ADARB2: variants seen among roughly 807,000 people sequenced by gnomAD.
The protein encoded by ADARB2 is adenosine deaminase RNA specific B2 (inactive).
Under a neutral mutation model 62.2 loss-of-function variants are expected in ADARB2, and 25 were observed. That is an observed-to-expected ratio of 0.40 (90% CI 0.29 to 0.56). The LOEUF (loss-of-function observed/expected upper bound fraction) is 0.56. ADARB2 is among the 20% of genes least tolerant of loss of function. ADARB2 has a pLI of 0.43. For missense variants in ADARB2, 1,071 were observed against 1,077.4 expected (o/e 0.99, Z 0.08); for synonymous variants, 572 against 500.8 (o/e 1.14, Z -1.90).
intron 1 of ADARB2, among the ~76,000 whole-genome samples, chr10:1,654,025 G>A (rs961056155): frequency 3.3e-5 from 5 of 152,040 alleles, no homozygotes. Flanking sequence ...GGCTGGCTCT[G>A]TGGAGGTAGA....
At position 1,675,724 on chromosome 10, in the gene ADARB2, T is replaced by G. The variant is rs186189796; in HGVS notation, c.100+61327A>C. Among the ~76,000 whole-genome samples the G allele has an allele frequency of 7.7e-4, 117 of 152,246 alleles. 1 individual carries two copies. The highest frequency in any genetic ancestry group is 1.2e-4 in the Non-Finnish European group (8 of 68,008). On this transcript the variant is annotated intron_variant, in intron 1 of 9. Coordinates refer to ENST00000381312, the MANE Select transcript of ADARB2 (RefSeq NM_018702.4). Reference sequence around the variant, plus strand: ...TTTGGGTTCAGGGATGCATGGATGTTCTGGCTGACAGCCTGGAGACCTAGG... The same window carrying G: ...TTTGGGTTCAGGGATGCATGGATGTGCTGGCTGACAGCCTGGAGACCTAGG...
intron 1 of ADARB2, among the ~76,000 whole-genome samples, chr10:1,621,412 C>CTT (rs1833702623): frequency 6.9e-6 from 1 of 145,286 alleles, no homozygotes; most frequent in South Asian, 2.1e-4. Flanking sequence ...TTTTCTTTTT[C>CTT]TTTCTTTCTT....
chr10:1,616,692 C>T (rs796145796), intron 1 of ADARB2, among the ~76,000 whole-genome samples: 1 of 134,906 alleles, frequency 7.4e-6, no homozygotes, highest in African/African-American at 2.8e-5. Context: ...ATCCTGGGAA[C>T]TGGCCTCAGA....
chr10:1,566,888 A>G (rs1215486374), intron 1 of ADARB2, among the ~76,000 whole-genome samples: 2 of 152,236 alleles, frequency 1.3e-5, no homozygotes, highest in African/African-American at 4.8e-5. Context: ...TATGAACAGA[A>G]AATAATGTCA....
chr10:1,293,045 C>T (rs1831484757), intron 3 of ADARB2: 1 of 29,464 alleles, frequency 3.4e-5, no homozygotes, highest in Non-Finnish European at 5.7e-5. Context: ...GGAAGAGATG[C>T]AGAGGGAGGG....
At position 1,678,833 on chromosome 10, in the gene ADARB2, G is replaced by A. The variant is rs375383817; in HGVS notation, c.100+58218C>T. Among the ~76,000 whole-genome samples, 45 of 151,656 alleles carry A rather than the reference G, an allele frequency of 3.0e-4. 1 individual carries two copies. Among genetic ancestry groups the A allele is most frequent in the African/African-American group, 8.9e-4 (37 of 41,342 alleles). ...GTTTCTCCACCAAGCCCCCTCTCCCGGGCACTTGTCCCTCCTGGACCCTGC... is the reference window on the plus strand; with the variant it reads ...GTTTCTCCACCAAGCCCCCTCTCCCAGGCACTTGTCCCTCCTGGACCCTGC... On this transcript the variant is annotated intron_variant, in intron 1 of 9. Coordinates refer to ENST00000381312, the MANE Select transcript of ADARB2 (RefSeq NM_018702.4).
chr10:1,713,384 G>A (rs569129471), intron 1 of ADARB2, among the ~76,000 whole-genome samples: 120 of 152,274 alleles, frequency 7.9e-4, no homozygotes, highest in African/African-American at 2.7e-3. Context: ...ACATTAATCC[G>A]GGCAGTGCTG....
intron 1 of ADARB2, among the ~76,000 whole-genome samples, chr10:1,581,504 T>C (rs1483384300): frequency 1.3e-5 from 2 of 152,198 alleles, no homozygotes; most frequent in Non-Finnish European, 2.9e-5. Context: ...CTACTCCTTG[T>C]TAGCTGCCAC....
At chr10:1,276,559 G>T (rs1831319047) in intron 3 of ADARB2, among the ~76,000 whole-genome samples, 1 of 152,042 alleles carries the variant, frequency 6.6e-6, no homozygotes, top group Non-Finnish European at 1.5e-5. Flanking sequence ...TAGACATGAA[G>T]TCCTTGCCCA....
intron 3 of ADARB2, among the ~76,000 whole-genome samples, chr10:1,346,907 A>G (rs1466063719): frequency 6.6e-6 from 1 of 152,272 alleles, no homozygotes; most frequent in Non-Finnish European, 1.5e-5. Context: ...TTGCATGTCA[A>G]TGGGGACGTG....
At chr10:1,674,502 C>T (rs534450309) in intron 1 of ADARB2, among the ~76,000 whole-genome samples, 25 of 152,246 alleles carry the variant, frequency 1.6e-4, no homozygotes, top group Admixed American at 3.3e-4. Context: ...GAATAAAAAG[C>T]GTATACAGCC....
chr10:1,648,720 A>C (rs148112925), intron 1 of ADARB2, among the ~76,000 whole-genome samples: 2 of 152,308 alleles, frequency 1.3e-5, no homozygotes, highest in African/African-American at 4.8e-5. Context: ...ACGCTGACTA[A>C]CGAAGTCTAG....
At chr10:1,603,138 AACACACACACACCTGTACACACATTAAC>A (rs971082808) in intron 1 of ADARB2, among the ~76,000 whole-genome samples, 3 of 85,474 alleles carry the variant, frequency 3.5e-5, no homozygotes, top group Non-Finnish European at 8.0e-5. Context: ...TACACACATA[AACACACACACACCTGTACACACATTAAC>A]ACACACACAC....
At chr10:1,328,996 T>TAAAAAAAAAAAA (rs376461606) in intron 3 of ADARB2, among the ~76,000 whole-genome samples, 6 of 75,680 alleles carry the variant, frequency 7.9e-5, no homozygotes, top group African/African-American at 3.5e-4. Flanking sequence ...GACCCTGTCT[T>TAAAAAAAAAAAA]AAAAAAAAAA....
chr10:1,528,019 A>G (rs1196197053), intron 1 of ADARB2, among the ~76,000 whole-genome samples: 2 of 152,256 alleles, frequency 1.3e-5, no homozygotes, highest in African/African-American at 2.4e-5. Context: ...AGTAAGAGGC[A>G]TATAATTCTG....
chr10:1,487,557 G>A (rs977002573), intron 1 of ADARB2, among the ~76,000 whole-genome samples: 6 of 152,168 alleles, frequency 3.9e-5, no homozygotes, highest in African/African-American at 1.4e-4. Flanking sequence ...TTCATTTTGG[G>A]CCAAGGGTTA....
At chr10:1,417,326 G>A (rs918006927) in intron 1 of ADARB2, among the ~76,000 whole-genome samples, 11 of 151,884 alleles carry the variant, frequency 7.2e-5, no homozygotes, top group African/African-American at 2.2e-4. Flanking sequence ...TAGAACAGTC[G>A]GTCAGGAAGT....
chr10:1,372,419 C>G lies in ADARB2; in HGVS notation c.187+6655G>C, dbSNP rs149424673. ...CCAATCCCCACCAGGGTGCAGTATA[C>G]CCACGGGACAAACACGCACATGTAT... On this transcript the variant is annotated intron_variant, in intron 2 of 9. Transcript: ENST00000381312. Among the ~76,000 whole-genome samples the G allele has an allele frequency of 3.2e-3, 492 of 152,200 alleles. 1 individual carries two copies. The highest frequency in any genetic ancestry group is 0.011 in the African/African-American group (475 of 41,504).
intron 1 of ADARB2, among the ~76,000 whole-genome samples, chr10:1,417,394 G>A (rs924411679): frequency 6.6e-6 from 1 of 152,174 alleles, no homozygotes; most frequent in Non-Finnish European, 1.5e-5. Context: ...GCAGCCCAGA[G>A]GGTCGGGAAG....
Sources: allele counts gnomAD v4.1 joint callset (sites outside exome capture counted in the v4.1 genomes callset), GRCh38; gene constraint gnomAD v4.1.1; transcripts MANE v1.5; gene names NCBI Gene and HGNC (gene_info 2026-07-23, HGNC 2026-07-21).